Variants in FRAS1 observed in about 807,000 individuals in gnomAD.
The protein encoded by FRAS1 is Fraser extracellular matrix complex subunit 1.
In FRAS1, 290 loss-of-function variants were observed where a neutral mutation model predicts 435.2. The observed-to-expected ratio is 0.67, with a 90% CI of 0.61 to 0.73. The LOEUF (loss-of-function observed/expected upper bound fraction) is 0.73, where lower values mean the gene tolerates loss of function less well. Ranked by LOEUF, FRAS1 falls within the 30% of genes least tolerant of loss-of-function variation. FRAS1 has a pLI of 0.00. For missense variants in FRAS1, 4,860 were observed against 5,001.5 expected, an observed-to-expected ratio of 0.97 and a Z score of 0.85; for synonymous variants, 1,800 against 1,851.0, an observed-to-expected ratio of 0.97 and a Z score of 0.71.
chr4:78,518,456 ATT>A (rs1560423235), intron 66 of FRAS1, among the ~76,000 whole-genome samples: 23 of 102,238 alleles, frequency 2.2e-4, no homozygotes, highest in African/African-American at 6.7e-4. Context: ...ATATATATTT[ATT>A]TATTTATTTA....
intron 40 of FRAS1, among the ~76,000 whole-genome samples, chr4:78,440,319 AC>A (rs1734610652): frequency 6.6e-6 from 1 of 152,154 alleles, no homozygotes; most frequent in Non-Finnish European, 1.5e-5. Flanking sequence ...GGCGTGAGCC[AC>A]CGGGCCCGGC....
At chr4:78,367,326 C>T (rs576064568) in intron 22 of FRAS1, among the ~76,000 whole-genome samples, 7 of 151,410 alleles carry the variant, frequency 4.6e-5, no homozygotes, top group East Asian at 3.9e-4. Flanking sequence ...TGCTTGAGCC[C>T]GGGAGGTGGA....
intron 14 of FRAS1, among the ~76,000 whole-genome samples, chr4:78,303,281 T>C (rs1245243088): frequency 6.6e-6 from 1 of 152,160 alleles, no homozygotes; most frequent in Non-Finnish European, 1.5e-5. Context: ...TAGTTTGAAG[T>C]CAGGTAGTGT....
intron 2 of FRAS1, among the ~76,000 whole-genome samples, chr4:78,149,852 C>A (rs1350166540): frequency 1.3e-5 from 2 of 152,092 alleles, no homozygotes; most frequent in African/African-American, 4.8e-5. Context: ...ATGCAGTTGC[C>A]TGTCATCATC....
At chr4:78,139,533 G>A (rs57693288) in intron 2 of FRAS1, among the ~76,000 whole-genome samples, 3,186 of 151,976 alleles carry the variant, frequency 0.021, 54 homozygotes, top group South Asian at 0.046. Flanking sequence ...ACTTCCACCG[G>A]TTTACCCTTT....
At position 78,372,816 on chromosome 4, in the gene FRAS1, C is replaced by A; in HGVS notation, c.2968C>A (p.Gln990Lys). 6.2e-7 allele frequency: 1 copy of A among 1,612,948 alleles called. No individual in the cohort carries two copies. Among genetic ancestry groups the A allele is most frequent in the Non-Finnish European group, 8.5e-7 (1 of 1,179,684 alleles). The change falls in exon 24 of 74, where the codon CAG (glutamine) becomes AAG (lysine). Residue 990 changes from glutamine (Q) to lysine (K), a missense_variant. Physicochemically the swap from Gln to Lys is moderately conservative, Grantham distance 53. Coordinates refer to ENST00000512123, the MANE Select transcript of FRAS1 (RefSeq NM_025074.7). ...YVLQDGACVE[Q>K]CLSSFYQDSG... Reference sequence around the variant, plus strand: ...TCTCCAGGATGGGGCCTGCGTGGAGCAGTGCTTGTCATCATTTTACCAGGA... The same window carrying A: ...TCTCCAGGATGGGGCCTGCGTGGAGAAGTGCTTGTCATCATTTTACCAGGA...
chr4:78,094,984 T>A (rs2109906541), intron 2 of FRAS1, among the ~76,000 whole-genome samples: 1 of 152,330 alleles, frequency 6.6e-6, no homozygotes, highest in Middle Eastern at 3.4e-3. Flanking sequence ...ATTTAATACT[T>A]CAGTCTCTGT....
chr4:78,371,462 TTTA>T (rs1279511399), intron 23 of FRAS1, among the ~76,000 whole-genome samples: 4 of 152,268 alleles, frequency 2.6e-5, no homozygotes, highest in Admixed American at 2.0e-4. Context: ...GCAGCAAACA[TTTA>T]TTGAGTTGTT....
chr4:78,342,792 G>A (rs1373167064), intron 20 of FRAS1, among the ~76,000 whole-genome samples: 2 of 152,162 alleles, frequency 1.3e-5, no homozygotes, highest in Non-Finnish European at 2.9e-5. Context: ...GAGTTCTTAT[G>A]TAGAAAGAAG....
chr4:78,439,631 G>A (rs1426656474), intron 40 of FRAS1, among the ~76,000 whole-genome samples: 1 of 151,860 alleles, frequency 6.6e-6, no homozygotes, highest in African/African-American at 2.4e-5. Context: ...TTTATGTTTT[G>A]TTTCCTTGTC....
chr4:78,243,545 T>C (rs11098104), intron 3 of FRAS1, among the ~76,000 whole-genome samples: 152,218 of 152,224 alleles, frequency 1, 76,106 homozygotes, highest in Middle Eastern at 1. Context: ...AGCACCCACA[T>C]GCAAAATTTT....
chr4:78,215,172 A>C (rs1358860906), intron 2 of FRAS1, among the ~76,000 whole-genome samples: 1 of 126,280 alleles, frequency 7.9e-6, no homozygotes, highest in Non-Finnish European at 1.6e-5. Context: ...TATGACATAA[A>C]ATTTACCATC....
In FRAS1 at chr4:78,464,479, G is replaced by A. The variant is rs548644433; in HGVS notation, c.6925G>A (p.Asp2309Asn). The A allele has an allele frequency of 3.1e-6, 5 of 1,613,854 alleles. No individual in the cohort carries two copies. Among genetic ancestry groups the A allele is most frequent in the African/African-American group, 1.3e-5 (1 of 74,940 alleles). ...TTTCCATATCACTCTTCACCCTGTC[G>A]ATGATTCGCTGCCCGTCGTACAGAA... ...QTFHITLHPV[D>N]DSLPVVQNLG... Residue 2309 changes from aspartate (D) to asparagine (N), a missense_variant, in exon 49 of 74, where the codon GAT (aspartate) becomes AAT (asparagine). Asp to Asn is a conservative substitution (Grantham distance 23, BLOSUM62 1). Coordinates refer to ENST00000512123, the MANE Select transcript of FRAS1 (RefSeq NM_025074.7).
intron 34 of FRAS1, among the ~76,000 whole-genome samples, chr4:78,422,431 T>G (rs1368207762): frequency 1.3e-5 from 2 of 152,140 alleles, no homozygotes; most frequent in African/African-American, 2.4e-5. Flanking sequence ...TTACACATAA[T>G]CAGACTGACC....
chr4:78,162,791 G>A (rs1721192774), intron 2 of FRAS1, among the ~76,000 whole-genome samples: 1 of 152,178 alleles, frequency 6.6e-6, no homozygotes, highest in Non-Finnish European at 1.5e-5. Flanking sequence ...GAAGCATGAA[G>A]CTGTTTTTCC....
chr4:78,441,167 T>C lies in FRAS1; in HGVS notation c.5535T>C (p.Asp1845=). The stretch of plus-strand genomic sequence containing the variant: ...TATGTTCTTTTCTTTCTTAGGTTGA[T>C]GAGGGAGGGAGAGCACCACTCTCAT... ...VIAFADLITV[D]EGGRAPLSFH... Residue 1845 remains aspartate, a synonymous_variant, in exon 41 of 74, where the codon GAT becomes GAC. Coordinates refer to ENST00000512123, the MANE Select transcript of FRAS1 (RefSeq NM_025074.7). 1 of 1,613,794 alleles carries C rather than the reference T, an allele frequency of 6.2e-7. No individual in the cohort carries two copies. The highest frequency in any genetic ancestry group is 8.5e-7 in the Non-Finnish European group (1 of 1,179,776).
At chr4:78,240,879 G>A (rs1461567091) in intron 3 of FRAS1, among the ~76,000 whole-genome samples, 1 of 152,160 alleles carries the variant, frequency 6.6e-6, no homozygotes, top group East Asian at 1.9e-4. Context: ...GGTCAAAGAA[G>A]AGAGTAATAT....
Position 78,450,238 on chromosome 4 carries a change from A to T in FRAS1, c.6362A>T (p.Asp2121Val), listed in dbSNP as rs372876214. Residue 2121 changes from aspartate to valine, a missense_variant, in exon 45 of 74, where the codon GAT becomes GTT. By Grantham distance (152) the Asp-to-Val change is radical (BLOSUM62 -3). Coordinates refer to ENST00000512123, the MANE Select transcript of FRAS1 (RefSeq NM_025074.7). ...CAGGTTATGTACATCATGAAGGAAG[A>T]TCCTGGTGCAGGGCGCCTGCAGATG... The part of the protein sequence containing the change: ...DHQVMYIMKE[D>V]PGAGRLQMMK... 1.6e-5 allele frequency: 26 copies of T among 1,613,708 alleles called. No homozygotes were observed. Among genetic ancestry groups the T allele is most frequent in the Non-Finnish European group, 2.2e-5 (26 of 1,179,796 alleles).
chr4:78,375,592 C>A, intron 25 of FRAS1, 147 bp from the exon 26 acceptor site: 1 of 635,576 alleles, frequency 1.6e-6, no homozygotes, highest in African/African-American at 1.9e-5. Context: ...CCTATATATT[C>A]TGTAGGGAAA....
Sources: allele counts gnomAD v4.1 joint callset (sites outside exome capture counted in the v4.1 genomes callset), GRCh38; gene constraint gnomAD v4.1.1; transcripts MANE v1.5; gene names NCBI Gene and HGNC (gene_info 2026-07-23, HGNC 2026-07-21).